SPAG16: variants seen among roughly 807,000 people sequenced by gnomAD.
SPAG16 encodes sperm-associated antigen 16 protein.
In SPAG16, 86 loss-of-function variants were observed where a neutral mutation model predicts 80.4. That is an observed-to-expected ratio of 1.07 (90% confidence interval 0.90 to 1.28). The LOEUF (loss-of-function observed/expected upper bound fraction) is 1.28, where lower values mean the gene tolerates loss of function less well. SPAG16 is among the 50% of genes most tolerant of loss of function. The pLI, the probability that SPAG16 is intolerant of heterozygous loss-of-function variation, is 0.00. For missense variants in SPAG16, 870 were observed against 765.3 expected (o/e 1.14, Z -1.61); for synonymous variants, 294 against 265.9 (o/e 1.11, Z -1.03).
chr2:213,669,253 T>C (rs1205652244), intron 10 of SPAG16, among the ~76,000 whole-genome samples: 1 of 152,200 alleles, frequency 6.6e-6, no homozygotes, highest in Admixed American at 6.5e-5. Flanking sequence ...TTAGGAAAAC[T>C]GTGACTCATA....
chr2:213,795,975 T>G (rs1385051416), intron 10 of SPAG16, among the ~76,000 whole-genome samples: 1 of 152,160 alleles, frequency 6.6e-6, no homozygotes, highest in Non-Finnish European at 1.5e-5. Flanking sequence ...AAGAATGGAC[T>G]AATACACTTT....
chr2:213,896,554 G>T (rs1454041860), intron 11 of SPAG16, among the ~76,000 whole-genome samples: 4 of 138,468 alleles, frequency 2.9e-5, no homozygotes, highest in African/African-American at 5.2e-5. Flanking sequence ...GTCCATCAAT[G>T]GTTAAATGGA....
Position 214,108,472 on chromosome 2 carries a change from CACACACA to C in SPAG16, c.1593+212_1593+218del, listed in dbSNP as rs1166508686. On this transcript the variant is annotated intron_variant, in intron 14 of 15. Coordinates refer to ENST00000331683, the MANE Select transcript of SPAG16 (RefSeq NM_024532.5). ...ACACACACACACACACACACACACA[CACACACA>C]CCCCCACACACACCCCAAGTCGTAG... Among the ~76,000 whole-genome samples, 495 of 87,866 alleles carry C rather than the reference CACACACA, an allele frequency of 5.6e-3. 9 individuals are homozygous for C. Among genetic ancestry groups the C allele is most frequent in the Middle Eastern group, 0.018 (3 of 166 alleles). The allele number at this position is 87,866 out of a possible 152,430, so 57.6% of individuals were successfully genotyped here.
At chr2:214,217,944 C>G (rs2058473243) in intron 15 of SPAG16, among the ~76,000 whole-genome samples, 1 of 152,070 alleles carries the variant, frequency 6.6e-6, no homozygotes, top group African/African-American at 2.4e-5. Context: ...ACTGAGGACT[C>G]CAAAGACCTT....
chr2:213,960,590 C>T (rs1176549871), intron 12 of SPAG16, among the ~76,000 whole-genome samples: 1 of 152,138 alleles, frequency 6.6e-6, no homozygotes, highest in Non-Finnish European at 1.5e-5. Context: ...TTGTTGTAGG[C>T]AGTCTGTGTG....
At chr2:214,106,675 T>C (rs1465208377) in intron 13 of SPAG16, among the ~76,000 whole-genome samples, 1 of 139,478 alleles carries the variant, frequency 7.2e-6, no homozygotes, top group Non-Finnish European at 1.7e-5. Flanking sequence ...ATGATCTACC[T>C]TTGGTAGCTC....
chr2:214,285,030 AT>A (rs1559181573), intron 15 of SPAG16, among the ~76,000 whole-genome samples: 1 of 152,006 alleles, frequency 6.6e-6, no homozygotes, highest in African/African-American at 2.4e-5. Context: ...ATCTATTTTT[AT>A]TTTTTTGAGG....
At chr2:214,157,423 T>C (rs2125592251) in intron 15 of SPAG16, among the ~76,000 whole-genome samples, 1 of 152,276 alleles carries the variant, frequency 6.6e-6, no homozygotes, top group East Asian at 1.9e-4. Flanking sequence ...TAACTATTTT[T>C]CTCTTTGATT....
In SPAG16 at chr2:213,360,229, A is replaced by G. The variant is rs1041480204; in HGVS notation, c.763-3847A>G. Among the ~76,000 whole-genome samples the G allele has an allele frequency of 2.0e-5, 3 of 152,354 alleles. No individual in the cohort carries two copies. The East Asian group carries it at 5.8e-4, about 29-fold the overall frequency. ...ATGGAAACTGGATGTGGCAGCCACC[A>G]TTCTCAGGATAAATTCCAAATTCTA... On this transcript the variant is annotated intron_variant, in intron 7 of 15. Transcript: ENST00000331683.
chr2:213,962,047 T>C (rs1575661318), intron 12 of SPAG16, among the ~76,000 whole-genome samples: 1 of 152,150 alleles, frequency 6.6e-6, no homozygotes, highest in African/African-American at 2.4e-5. Context: ...AATTACTAAT[T>C]GTTATGGACT....
At chr2:214,219,233 G>A (rs1291141824) in intron 15 of SPAG16, among the ~76,000 whole-genome samples, 1 of 152,078 alleles carries the variant, frequency 6.6e-6, no homozygotes, top group Non-Finnish European at 1.5e-5. Context: ...AATCAGTGTT[G>A]TTATTAATTC....
chr2:213,307,095 C>T (rs1437979303), intron 3 of SPAG16, among the ~76,000 whole-genome samples: 3 of 152,134 alleles, frequency 2.0e-5, no homozygotes, highest in Admixed American at 6.6e-5. Context: ...ACCCCTTTGT[C>T]AGGATTTTTC....
intron 15 of SPAG16, among the ~76,000 whole-genome samples, chr2:214,154,028 C>T (rs1176897453): frequency 6.6e-6 from 1 of 152,100 alleles, no homozygotes; most frequent in Non-Finnish European, 1.5e-5. Context: ...AACAGAAAGC[C>T]TCCTGGTAAT....
chr2:214,325,776 A>T (rs1161117236), intron 15 of SPAG16, among the ~76,000 whole-genome samples: 1 of 151,998 alleles, frequency 6.6e-6, no homozygotes, highest in African/African-American at 2.4e-5. Context: ...TATTCGTATG[A>T]CATCCAATAC....
At position 213,675,867 on chromosome 2, in the gene SPAG16, G is replaced by A. The variant is rs1276570338; in HGVS notation, c.1070+185777G>A. Among the ~76,000 whole-genome samples, 11 of 151,320 alleles carry A rather than the reference G, an allele frequency of 7.3e-5. 1 individual carries two copies. The highest frequency in any genetic ancestry group is 2.6e-4 in the Admixed American group (4 of 15,162). ...TGGCTTAGGATTGACTTGGTGATGC[G>A]GGCTCTTTTTTGGTTCCATATGAAC... On this transcript the variant is annotated intron_variant, in intron 10 of 15. Transcript: ENST00000331683.
chr2:214,394,970 G>A (rs553647463), intron 15 of SPAG16, among the ~76,000 whole-genome samples: 10 of 152,224 alleles, frequency 6.6e-5, no homozygotes, highest in South Asian at 4.1e-4. Context: ...AGTATGTAGC[G>A]TTGGCCGATT....
intron 9 of SPAG16, among the ~76,000 whole-genome samples, chr2:213,445,519 G>T (rs1197719181): frequency 6.6e-6 from 1 of 152,082 alleles, no homozygotes; most frequent in Non-Finnish European, 1.5e-5. Flanking sequence ...AAAATTAGCT[G>T]GGCGTAGTGG....
At chr2:214,261,087 A>G (rs1361887128) in intron 15 of SPAG16, among the ~76,000 whole-genome samples, 2 of 119,472 alleles carry the variant, frequency 1.7e-5, no homozygotes, top group South Asian at 3.0e-4. Flanking sequence ...AGCCTGGGCT[A>G]CAAGAGCAAG....
At chr2:214,170,143 AT>A (rs2125630876) in intron 15 of SPAG16, among the ~76,000 whole-genome samples, 1 of 151,018 alleles carries the variant, frequency 6.6e-6, no homozygotes, top group South Asian at 2.1e-4. Context: ...CTTTTCTGTC[AT>A]TAAAAAAATG....
Sources: gnomAD v4.1 joint callset for allele counts (sites outside exome capture counted in the v4.1 genomes callset) on GRCh38, gnomAD v4.1.1 for gene constraint, MANE v1.5 for transcripts, NCBI Gene and HGNC (gene_info 2026-07-23, HGNC 2026-07-21) for gene names.